The following CCDC40 variants were observed in gnomAD, a reference collection of about 807,000 sequenced individuals.
The protein encoded by CCDC40 is coiled-coil domain 40 molecular ruler complex subunit.
Under a neutral mutation model 124.5 loss-of-function variants are expected in CCDC40, and 104 were observed. The ratio of observed to expected loss-of-function variants is 0.84; its 90% CI spans 0.71 to 0.98. CCDC40 has a LOEUF of 0.98. Among genes scored for constraint, CCDC40 ranks in the 50% least tolerant of loss-of-function variants. The pLI is 0.00. For synonymous variants in CCDC40, 580 were observed against 602.9 expected, an observed-to-expected ratio of 0.96 and a Z score of 0.56; for missense variants, 1,463 against 1,503.9, an observed-to-expected ratio of 0.97 and a Z score of 0.45.
chr17:80,056,012 A>T (rs372124514), intron 7 of CCDC40, among the ~76,000 whole-genome samples: 9,392 of 14,020 alleles, frequency 0.67, 2,870 homozygotes, highest in African/African-American at 0.7. Context: ...ATATATATAT[A>T]TATATTTTTT....
chr17:80,044,529 C>G (rs2037363071), intron 3 of CCDC40, among the ~76,000 whole-genome samples: 1 of 151,478 alleles, frequency 6.6e-6, no homozygotes. Flanking sequence ...ACTAAAAATA[C>G]AAAAATTAGC....
intron 10 of CCDC40, chr17:80,067,537 TA>T: frequency 1.3e-6 from 2 of 1,504,686 alleles, no homozygotes; most frequent in Middle Eastern, 1.7e-4. Context: ...AGTCAAAATA[TA>T]AACACCGCTC....
At chr17:80,056,965 C>CTG (rs2037763522) in intron 7 of CCDC40, among the ~76,000 whole-genome samples, 1 of 147,400 alleles carries the variant, frequency 6.8e-6, no homozygotes, top group Admixed American at 6.8e-5. Flanking sequence ...GGCGTGAACC[C>CTG]GGGACGCAGA....
intron 3 of CCDC40, among the ~76,000 whole-genome samples, chr17:80,046,806 G>A (rs1052864422): frequency 2.0e-5 from 3 of 152,090 alleles, no homozygotes; most frequent in Non-Finnish European, 4.4e-5. Flanking sequence ...ATAAGAAAAT[G>A]TCTTCCCTTC....
intron 1 of CCDC40, chr17:80,037,870 G>C: frequency 5.0e-6 from 2 of 399,442 alleles, no homozygotes; most frequent in East Asian, 1.1e-4. Context: ...ATCTAATCCT[G>C]CTGTTCCTTC....
chr17:80,080,127 G>C (rs1032710559), intron 10 of CCDC40, among the ~76,000 whole-genome samples: 1 of 152,036 alleles, frequency 6.6e-6, no homozygotes, highest in Non-Finnish European at 1.5e-5. Context: ...TGAGTGGCTT[G>C]AGGCTGCAGT....
chr17:80,059,369 T>C (rs951391827), intron 9 of CCDC40, among the ~76,000 whole-genome samples: 2 of 151,926 alleles, frequency 1.3e-5, no homozygotes, highest in African/African-American at 4.8e-5. Context: ...GGGTAGCTCC[T>C]ACATCTCTGC....
chr17:80,037,688 A>AAAAAAAAAAAT, intron 1 of CCDC40, among the ~76,000 whole-genome samples: 1 of 45,678 alleles, frequency 2.2e-5, no homozygotes, highest in African/African-American at 5.9e-5. Context: ...TTTTTTAAAA[A>AAAAAAAAAAAT]AGATATACAT....
chr17:80,087,672 G>A lies in CCDC40; in HGVS notation c.2515G>A (p.Asp839Asn), dbSNP rs1298044536. 6 of 1,613,942 alleles carry A rather than the reference G, an allele frequency of 3.7e-6. No homozygotes were observed. The highest frequency in any genetic ancestry group is 2.2e-5 in the South Asian group (2 of 91,064). ...GCACCACATGAAGGACCTGGACAAC[G>A]ACCTGAAGAAGCTCAACATGTTGAT... ...IEHHMKDLDNDLKKLNMLMNK... is the reference protein window; with the variant it reads ...IEHHMKDLDNNLKKLNMLMNK... Residue 839 changes from aspartate (D) to asparagine (N), a missense_variant, in exon 15 of 20, where the codon GAC (aspartate) becomes AAC (asparagine). Physicochemically the swap from Asp to Asn is conservative, Grantham distance 23 (BLOSUM62 1). Coordinates refer to ENST00000397545, the MANE Select transcript of CCDC40 (RefSeq NM_017950.4). This position sits in a 1 kb window ranked among gnomAD's most constrained non-coding sequence, Gnocchi z 4.5.
At position 80,099,742 on chromosome 17, in the gene CCDC40, C is replaced by G; in HGVS notation, c.3396C>G (p.Ile1132Met). 1.2e-6 allele frequency: 2 copies of G among 1,613,558 alleles called. No homozygotes were observed. Among genetic ancestry groups the G allele is most frequent in the Non-Finnish European group, 1.7e-6 (2 of 1,179,962 alleles). ...QEALHKVSQM[I>M]ANKLESPGPS ...CCCTGCACAAGGTCAGCCAGATGAT[C>G]GCCAACAAGCTCGAGTCACCAGGGC... The change falls in exon 20 of 20, where the codon ATC becomes ATG. Residue 1132 changes from isoleucine (I) to methionine (M), a missense_variant. Physicochemically the swap from Ile to Met is conservative, Grantham distance 10. Transcript: ENST00000397545.
chr17:80,064,889 C>T (rs1295143361), intron 9 of CCDC40, among the ~76,000 whole-genome samples: 1 of 152,074 alleles, frequency 6.6e-6, no homozygotes, highest in Non-Finnish European at 1.5e-5. Flanking sequence ...ACACCTCCTT[C>T]CATCATGGCC....
At chr17:80,059,340 C>T (rs7217350) in intron 9 of CCDC40, among the ~76,000 whole-genome samples, 125 of 152,196 alleles carry the variant, frequency 8.2e-4, no homozygotes, top group African/African-American at 2.9e-3. Flanking sequence ...TTCTCACCCC[C>T]GTGGGCAGCC....
rs370805578 is a variant in CCDC40, at chr17:80,081,528, C to T, written c.1563-18C>T. 3.1e-6 allele frequency: 5 copies of T among 1,613,226 alleles called. No homozygotes were observed. Among genetic ancestry groups the T allele is most frequent in the Non-Finnish European group, 4.2e-6 (5 of 1,180,038 alleles). On this transcript the variant is annotated intron_variant, in intron 10 of 19. Coordinates refer to ENST00000397545, the MANE Select transcript of CCDC40 (RefSeq NM_017950.4). ...GATGTCTCACACGTAACTGGCTCTCCCCGCTGCATTTCTACAGAGGATGCC... is the reference window on the plus strand; with the variant it reads ...GATGTCTCACACGTAACTGGCTCTCTCCGCTGCATTTCTACAGAGGATGCC...
chr17:80,056,462 A>G (rs947799047), intron 7 of CCDC40, among the ~76,000 whole-genome samples: 3 of 152,012 alleles, frequency 2.0e-5, no homozygotes, highest in Admixed American at 1.3e-4. Context: ...TCTACAAAAA[A>G]TACAAAAATG....
intron 7 of CCDC40, among the ~76,000 whole-genome samples, chr17:80,056,016 A>ATATATATTTTTTTT (rs71163913): frequency 9.8e-5 from 1 of 10,252 alleles, no homozygotes; most frequent in African/African-American, 3.5e-4. Flanking sequence ...ATATATATAT[A>ATATATATTTTTTTT]TTTTTTTTTT....
Position 80,066,327 on chromosome 17 carries a change from A to C in CCDC40, c.1562+721A>C. 1.7e-6 allele frequency: 1 copy of C among 589,508 alleles called. No homozygotes were observed. Among genetic ancestry groups the C allele is most frequent in the South Asian group, 2.0e-5 (1 of 48,792 alleles). 36.5% of individuals were successfully genotyped at this position (589,508 alleles called of 1,614,324 possible). ...GGCTGGCCCCACAGCACCCGCAGCC[A>C]GGCAGCCAGCAGCAGTCACACAACC... On this transcript the variant is annotated intron_variant, in intron 10 of 19. Transcript: ENST00000397545. The surrounding 1 kb of genome is among the most constrained non-coding windows in gnomAD (Gnocchi z 4.4).
At chr17:80,060,568 A>G (rs1055943589) in intron 9 of CCDC40, among the ~76,000 whole-genome samples, 2 of 152,162 alleles carry the variant, frequency 1.3e-5, no homozygotes, top group South Asian at 2.1e-4. Context: ...CTAAATGCTC[A>G]AGAATACCCA....
At chr17:80,040,678 C>CAAA (rs34476860) in intron 3 of CCDC40, 24 of 129,992 alleles carry the variant, frequency 1.8e-4, no homozygotes, top group South Asian at 7.1e-4. Context: ...GACCTTGTCT[C>CAAA]AAAAAAAAAA....
chr17:80,077,034 C>T (rs2038326646), intron 10 of CCDC40, among the ~76,000 whole-genome samples: 1 of 152,088 alleles, frequency 6.6e-6, no homozygotes, highest in African/African-American at 2.4e-5. Flanking sequence ...CCACGCCCAG[C>T]CTAAAGTAAG....
Sources: allele counts gnomAD v4.1 joint callset (sites outside exome capture counted in the v4.1 genomes callset), GRCh38; gene constraint gnomAD v4.1.1; non-coding constraint Gnocchi (gnomAD v3.1); transcripts MANE v1.5; gene names NCBI Gene and HGNC (gene_info 2026-07-23, HGNC 2026-07-21).